Variants in WDPCP observed in about 807,000 individuals in gnomAD.
WDPCP encodes the protein WD repeat-containing and planar cell polarity effector protein fritz homolog.
WDPCP carries 71 observed loss-of-function variants against 93.1 expected under a neutral mutation model. That is an observed-to-expected ratio of 0.76 (90% CI 0.63 to 0.93). The LOEUF (loss-of-function observed/expected upper bound fraction) is 0.93. Among genes scored for constraint, WDPCP ranks in the 40% least tolerant of loss-of-function variants. WDPCP has a pLI of 0.00. For missense variants in WDPCP, 844 were observed against 887.4 expected (o/e 0.95, Z 0.62); for synonymous variants, 315 against 315.0 (o/e 1.00, Z 0.00).
intron 1 of WDPCP, among the ~76,000 whole-genome samples, chr2:63,546,138 G>T (rs907388592): frequency 1.3e-5 from 2 of 152,144 alleles, no homozygotes; most frequent in East Asian, 3.9e-4. Context: ...GCTTGGGAGG[G>T]CCTTAGCCTG....
intron 1 of WDPCP, among the ~76,000 whole-genome samples, chr2:63,821,033 T>C (rs1400219436): frequency 1.3e-5 from 2 of 152,178 alleles, no homozygotes; most frequent in African/African-American, 4.8e-5. Flanking sequence ...AATTATAAAT[T>C]CATTCCACAT....
At chr2:63,576,354 G>T (rs1708114400) in intron 1 of WDPCP, among the ~76,000 whole-genome samples, 1 of 152,094 alleles carries the variant, frequency 6.6e-6, no homozygotes, top group South Asian at 2.1e-4. Context: ...ATTTGCTAGT[G>T]TGGCTCCCAG....
intron 1 of WDPCP, among the ~76,000 whole-genome samples, chr2:63,543,554 A>G: frequency 6.6e-6 from 1 of 152,196 alleles, no homozygotes; most frequent in African/African-American, 2.4e-5. Flanking sequence ...TTAAGGCTTT[A>G]AATTATTATC....
chr2:63,779,269 C>T (rs543767220), intron 2 of WDPCP, among the ~76,000 whole-genome samples: 1 of 152,296 alleles, frequency 6.6e-6, no homozygotes, highest in Admixed American at 6.5e-5. Context: ...AATGCTGGAA[C>T]TGTTTTCCAA....
intron 3 of WDPCP, chr2:63,607,056 A>G: frequency 7.1e-7 from 1 of 1,405,972 alleles, no homozygotes; most frequent in African/African-American, 1.4e-5. Flanking sequence ...TCAAGTACCA[A>G]ATAATAATAA....
chr2:63,371,027 T>C (rs1356375418), intron 12 of WDPCP, among the ~76,000 whole-genome samples: 1 of 152,136 alleles, frequency 6.6e-6, no homozygotes, highest in East Asian at 1.9e-4. Context: ...TAAATATATA[T>C]ATTTCCCTTC....
intron 9 of WDPCP, among the ~76,000 whole-genome samples, chr2:63,427,082 A>T (rs1415566652): frequency 6.6e-6 from 1 of 152,258 alleles, no homozygotes; most frequent in Non-Finnish European, 1.5e-5. Flanking sequence ...GAGCACCCAC[A>T]TTCATAAAAC....
At chr2:63,833,154 G>C in the WDPCP span, among the ~76,000 whole-genome samples, 1 of 152,222 alleles carries the variant, frequency 6.6e-6, no homozygotes, top group Non-Finnish European at 1.5e-5. Flanking sequence ...TCAAGAGACT[G>C]AGGCAGGAGA....
intron 2 of WDPCP, among the ~76,000 whole-genome samples, chr2:63,733,518 T>C (rs1669595031): frequency 6.6e-6 from 1 of 152,170 alleles, no homozygotes; most frequent in Admixed American, 6.5e-5. Flanking sequence ...TAAATGATTT[T>C]ATCTCACTGG....
At chr2:63,725,759 A>G (rs1669488344) in intron 2 of WDPCP, among the ~76,000 whole-genome samples, 1 of 152,120 alleles carries the variant, frequency 6.6e-6, no homozygotes, top group Non-Finnish European at 1.5e-5. Flanking sequence ...ATGAGATGGT[A>G]TCTCATTGTG....
At chr2:63,711,241 G>A (rs1384804663) in intron 2 of WDPCP, among the ~76,000 whole-genome samples, 1 of 152,022 alleles carries the variant, frequency 6.6e-6, no homozygotes, top group Non-Finnish European at 1.5e-5. Context: ...TGAAAACAAT[G>A]AGTTGAAAAA....
At position 63,651,470 on chromosome 2, in the gene WDPCP, C is replaced by CACACACACACAT. The variant is rs374360770; in HGVS notation, n.309-633_309-632insATGTGTGTGTGT. Among the ~76,000 whole-genome samples the CACACACACACAT allele has an allele frequency of 2.4e-3, 360 of 151,860 alleles. 2 individuals are homozygous for CACACACACACAT. The highest frequency in any genetic ancestry group is 8.2e-3 in the African/African-American group (338 of 41,348). ...TGTGTGTACAACACACACACACACA[C>CACACACACACAT]ACAGAGAGACTTATTTTAAGAAATA... On this transcript the variant is annotated intron_variant and non_coding_transcript_variant, in intron 2 of 4. Transcript: ENST00000467687.
intron 1 of WDPCP, among the ~76,000 whole-genome samples, chr2:63,816,128 AT>A (rs2104106980): frequency 6.6e-6 from 1 of 152,288 alleles, no homozygotes; most frequent in South Asian, 2.1e-4. Context: ...TAAAAATATT[AT>A]GGGTAATTAT....
In WDPCP at chr2:63,551,934, G is replaced by A. The variant is rs374335580; in HGVS notation, c.75+36263C>T. Among the ~76,000 whole-genome samples, 22 of 144,318 alleles carry A rather than the reference G, an allele frequency of 1.5e-4. No individual in the cohort carries two copies. In the East Asian group the frequency reaches 2.5e-3, roughly 16 times the overall value. 94.7% of individuals were successfully genotyped at this position (144,318 alleles called of 152,430 possible). A position where few individuals can be genotyped will look rare whatever the true frequency, so the allele number is the denominator to read the frequency against. On this transcript the variant is annotated intron_variant, in intron 1 of 17. Transcript: ENST00000272321. ...CTTATCCTAGTATAAACCTAAATAT[G>A]AATATTCTGTTTTGCTTTCATTTTC...
chr2:63,386,568 T>C (rs1575294807), intron 10 of WDPCP, among the ~76,000 whole-genome samples: 2 of 152,230 alleles, frequency 1.3e-5, no homozygotes, highest in African/African-American at 2.4e-5. Flanking sequence ...TTGGAGCAAC[T>C]AGAGTTCCCA....
chr2:63,570,381 C>A (rs191047996), intron 1 of WDPCP, among the ~76,000 whole-genome samples: 2 of 152,292 alleles, frequency 1.3e-5, no homozygotes, highest in East Asian at 3.9e-4. Context: ...CAAAGAATAG[C>A]CTGATTTTTC....
chr2:63,293,734 G>A (rs545856292), intron 13 of WDPCP, among the ~76,000 whole-genome samples: 10 of 152,204 alleles, frequency 6.6e-5, no homozygotes, highest in African/African-American at 2.4e-4. Flanking sequence ...ATAATGACAA[G>A]ATGATTTCAA....
intron 10 of WDPCP, among the ~76,000 whole-genome samples, chr2:63,386,769 G>A (rs1345899406): frequency 6.6e-6 from 1 of 151,800 alleles, no homozygotes; most frequent in Admixed American, 6.6e-5. Flanking sequence ...CGAAAATCTG[G>A]AAACAAACCA....
intron 2 of WDPCP, among the ~76,000 whole-genome samples, chr2:63,667,443 AT>A (rs1001006266): frequency 6.6e-6 from 1 of 152,206 alleles, no homozygotes; most frequent in African/African-American, 2.4e-5. Context: ...TTTTGCTAGC[AT>A]TTTAACAGTA....
Sources: gnomAD v4.1 joint callset for allele counts (sites outside exome capture counted in the v4.1 genomes callset) on GRCh38, gnomAD v4.1.1 for gene constraint, MANE v1.5 for transcripts, NCBI Gene and HGNC (gene_info 2026-07-23, HGNC 2026-07-21) for gene names.